BDNF: variants seen among roughly 807,000 people sequenced by gnomAD.
The protein encoded by BDNF is brain derived neurotrophic factor.
In BDNF, 1 loss-of-function variant was observed where a neutral mutation model predicts 19.5. The observed-to-expected ratio is 0.05, with a 90% CI of 0.02 to 0.24. The LOEUF (loss-of-function observed/expected upper bound fraction) is 0.24, where lower values mean the gene tolerates loss of function less well. Among genes scored for constraint, BDNF ranks in the 10% least tolerant of loss-of-function variants. The probability of loss-of-function intolerance (pLI) is 1.00; values close to 1 mark genes in which losing one functional copy is unlikely to be tolerated. For synonymous variants in BDNF, 100 were observed against 121.6 expected, an observed-to-expected ratio of 0.82 and a Z score of 1.17; for missense variants, 195 against 317.6, an observed-to-expected ratio of 0.61 and a Z score of 2.93.
At chr11:27,694,881 C>A (rs1405224369) in intron 1 of BDNF, among the ~76,000 whole-genome samples, 1 of 152,070 alleles carries the variant, frequency 6.6e-6, no homozygotes, top group East Asian at 1.9e-4. Flanking sequence ...AAATCAGAAC[C>A]TTTATACTCA....
chr11:27,720,704 C>G, intron 1 of BDNF: 1 of 985,980 alleles, frequency 1.0e-6, no homozygotes, highest in Non-Finnish European at 1.2e-6. Flanking sequence ...GAATGGACTC[C>G]TATCGCCCGG....
At chr11:27,675,031 A>G (rs1855894974) in intron 1 of BDNF, 3 of 493,582 alleles carry the variant, frequency 6.1e-6, no homozygotes, top group Non-Finnish European at 7.9e-6. Context: ...CCCTAAGATC[A>G]CATACCCATT....
intron 1 of BDNF, among the ~76,000 whole-genome samples, chr11:27,670,266 A>T (rs569758274): frequency 6.6e-6 from 1 of 152,278 alleles, no homozygotes; most frequent in South Asian, 2.1e-4. Context: ...ATTCAAGATG[A>T]ATTAAAGACT....
chr11:27,655,557 A>G lies in BDNF; in HGVS notation c.*2264T>C, dbSNP rs1321258313. 1 of 151,600 alleles carries G rather than the reference A, an allele frequency of 6.6e-6. No individual in the cohort carries two copies. The highest frequency in any genetic ancestry group is 1.9e-4 in the East Asian group (1 of 5,162). 9.4% of individuals were successfully genotyped at this position (151,600 alleles called of 1,614,324 possible). A position where few individuals can be genotyped will look rare whatever the true frequency, so the allele number is the denominator to read the frequency against. ...ATTACAAAGATAATATTTTCAAACAACACAAAACAAATCTACACTACGTAA... is the reference window on the plus strand; with the variant it reads ...ATTACAAAGATAATATTTTCAAACAGCACAAAACAAATCTACACTACGTAA... On this transcript the variant is annotated 3_prime_UTR_variant, in exon 2 of 2. Coordinates refer to ENST00000356660, the MANE Select transcript of BDNF (RefSeq NM_001709.5).
chr11:27,693,396 A>AT (rs377481415), intron 1 of BDNF, among the ~76,000 whole-genome samples: 241 of 152,228 alleles, frequency 1.6e-3, no homozygotes, highest in African/African-American at 5.7e-3. Flanking sequence ...TCCTAAATTG[A>AT]TTTTTTTGTA....
chr11:27,699,751 C>G (rs1859672177), intron 1 of BDNF: 10 of 1,304,236 alleles, frequency 7.7e-6, no homozygotes, highest in Non-Finnish European at 9.9e-6. Flanking sequence ...CCACCCACCC[C>G]CTGGAAGGAT....
At chr11:27,660,906 C>T (rs899587193) in intron 1 of BDNF, among the ~76,000 whole-genome samples, 1 of 152,132 alleles carries the variant, frequency 6.6e-6, no homozygotes, top group Non-Finnish European at 1.5e-5. Context: ...TTCACCACTA[C>T]AGTAATGAGT....
chr11:27,700,890 C>T, upstream of BDNF: 1 of 1,303,988 alleles, frequency 7.7e-7, no homozygotes, highest in South Asian at 1.2e-5. Flanking sequence ...GCTCCCCTAG[C>T]TTTCAACTCT....
At chr11:27,671,873 C>G (rs1180620656) in intron 1 of BDNF, among the ~76,000 whole-genome samples, 1 of 152,016 alleles carries the variant, frequency 6.6e-6, no homozygotes, top group Non-Finnish European at 1.5e-5. Flanking sequence ...AACTTTTTTA[C>G]TTATCAAAGT....
chr11:27,721,584 C>T, exon 1 of BDNF: 1 of 737,244 alleles, frequency 1.4e-6, no homozygotes, highest in Non-Finnish European at 2.4e-6. Flanking sequence ...TTGCAATATC[C>T]GCAAGCTTAA....
At chr11:27,682,339 C>T (rs2133964796) in intron 1 of BDNF, among the ~76,000 whole-genome samples, 1 of 151,522 alleles carries the variant, frequency 6.6e-6, no homozygotes, top group Admixed American at 6.6e-5. Flanking sequence ...AATTCTGATG[C>T]TGAATGTGTT....
At chr11:27,711,999 AATAG>A (rs1860344521) in intron 1 of BDNF, among the ~76,000 whole-genome samples, 1 of 152,192 alleles carries the variant, frequency 6.6e-6, no homozygotes, top group Admixed American at 6.5e-5. Context: ...ACGTTAGAGT[AATAG>A]CAAGCTCAGT....
chr11:27,688,802 C>T (rs1564976922), intron 1 of BDNF, among the ~76,000 whole-genome samples: 1 of 152,292 alleles, frequency 6.6e-6, no homozygotes, highest in African/African-American at 2.4e-5. Context: ...CAGAAATCAC[C>T]CACCTTCTGC....
chr11:27,680,579 T>C (rs1483325876), intron 1 of BDNF, among the ~76,000 whole-genome samples: 7 of 152,162 alleles, frequency 4.6e-5, no homozygotes, highest in Non-Finnish European at 8.8e-5. Context: ...GGGAAAAACA[T>C]GTTGAATCAT....
chr11:27,703,059 C>T (rs1859974848), upstream of BDNF, among the ~76,000 whole-genome samples: 1 of 152,128 alleles, frequency 6.6e-6, no homozygotes, highest in African/African-American at 2.4e-5. Context: ...GTCAACTTGA[C>T]AGAGCACATG....
upstream of BDNF, chr11:27,701,548 C>T (rs1859895477): frequency 2.0e-6 from 2 of 987,598 alleles, no homozygotes; most frequent in African/African-American, 3.5e-5. Flanking sequence ...CATTTGATCT[C>T]GGCAGAGGCA....
At chr11:27,659,440 T>C in intron 1 of BDNF, 1 of 1,000,342 alleles carries the variant, frequency 1.0e-6, no homozygotes, top group African/African-American at 1.7e-5. Context: ...AAACAATGTG[T>C]CTGGTAAGGA....
At chr11:27,685,862 G>A (rs11500197) in intron 1 of BDNF, among the ~76,000 whole-genome samples, 28,026 of 116,694 alleles carry the variant, frequency 0.24, 3,029 homozygotes, top group Non-Finnish European at 0.31. Context: ...GTGCTGAGAA[G>A]AATGTATATT....
intron 1 of BDNF, among the ~76,000 whole-genome samples, chr11:27,686,278 G>C (rs569357906): frequency 5.9e-5 from 9 of 151,842 alleles, no homozygotes; most frequent in South Asian, 4.2e-4. Context: ...TTTATTTTCA[G>C]CCTATGTGTG....
Sources: allele counts gnomAD v4.1 joint callset (sites outside exome capture counted in the v4.1 genomes callset), GRCh38; gene constraint gnomAD v4.1.1; transcripts MANE v1.5; gene names NCBI Gene and HGNC (gene_info 2026-07-23, HGNC 2026-07-21).